Variants in MGMT observed in about 807,000 individuals in gnomAD.
MGMT encodes the protein methylated-DNA--protein-cysteine methyltransferase.
In MGMT, 14 loss-of-function variants were observed where a neutral mutation model predicts 15.9. The ratio of observed to expected loss-of-function variants is 0.88; its 90% CI spans 0.58 to 1.37. The LOEUF is 1.37. MGMT is among the 40% of genes most tolerant of loss of function. The pLI, the probability that MGMT is intolerant of heterozygous loss-of-function variation, is 0.00. For synonymous variants in MGMT, 130 were observed against 118.2 expected (o/e 1.10, Z -0.65); for missense variants, 282 against 268.1 (o/e 1.05, Z -0.36).
intron 2 of MGMT, among the ~76,000 whole-genome samples, chr10:129,669,181 C>G (rs1847693588): frequency 6.6e-6 from 1 of 151,992 alleles, no homozygotes. Context: ...TAAAAATCAA[C>G]TTATTTTGTT....
chr10:129,544,650 G>A (rs932785327), intron 2 of MGMT, among the ~76,000 whole-genome samples: 2 of 152,210 alleles, frequency 1.3e-5, no homozygotes, highest in African/African-American at 4.8e-5. Context: ...CTGTTGCAGA[G>A]AGTCTGGCCC....
At chr10:129,628,974 C>T (rs1400245501) in intron 2 of MGMT, among the ~76,000 whole-genome samples, 1 of 152,202 alleles carries the variant, frequency 6.6e-6, no homozygotes, top group Non-Finnish European at 1.5e-5. Flanking sequence ...CCACTCCCAG[C>T]GCCACTCCCG....
chr10:129,602,351 C>T (rs1027536294), intron 2 of MGMT, among the ~76,000 whole-genome samples: 4 of 152,002 alleles, frequency 2.6e-5, no homozygotes, highest in Admixed American at 1.3e-4. Context: ...CCTCTGGGTA[C>T]GTGAGCTTAA....
intron 1 of MGMT, among the ~76,000 whole-genome samples, chr10:129,522,837 C>T (rs1845828437): frequency 6.6e-6 from 1 of 152,198 alleles, no homozygotes; most frequent in Non-Finnish European, 1.5e-5. Context: ...GAGCCCCCGG[C>T]ACCTGCTCGG....
intron 2 of MGMT, among the ~76,000 whole-genome samples, chr10:129,650,980 A>C (rs1190993073): frequency 1.3e-5 from 2 of 152,084 alleles, no homozygotes; most frequent in Non-Finnish European, 2.9e-5. Context: ...GTCACATTCC[A>C]CTTGGGGACA....
chr10:129,750,511 T>C (rs1317199114), intron 3 of MGMT, among the ~76,000 whole-genome samples: 2 of 152,146 alleles, frequency 1.3e-5, no homozygotes, highest in Non-Finnish European at 2.9e-5. Context: ...AAAGAATGGT[T>C]GCATCTTTAC....
intron 2 of MGMT, among the ~76,000 whole-genome samples, chr10:129,576,302 C>A (rs1224088924): frequency 6.6e-6 from 1 of 152,108 alleles, no homozygotes; most frequent in East Asian, 1.9e-4. Context: ...TACTGGCAAA[C>A]CAAATCCAGC....
intron 2 of MGMT, among the ~76,000 whole-genome samples, chr10:129,661,728 A>G (rs554364766): frequency 3.0e-4 from 45 of 152,296 alleles, no homozygotes; most frequent in Non-Finnish European, 4.4e-4. Context: ...CTGACGATCA[A>G]TTTACTGGAG....
At chr10:129,740,843 C>T (rs7096238) in intron 3 of MGMT, among the ~76,000 whole-genome samples, 1 of 151,952 alleles carries the variant, frequency 6.6e-6, no homozygotes, top group African/African-American at 2.4e-5. Context: ...CACACTGAAC[C>T]GAGCCTGGTA....
intron 3 of MGMT, among the ~76,000 whole-genome samples, chr10:129,718,882 G>C (rs939119187): frequency 6.6e-6 from 1 of 152,084 alleles, no homozygotes; most frequent in African/African-American, 2.4e-5. Context: ...TTCTGCTCAG[G>C]CATGTCACCT....
At chr10:129,649,793 A>G (rs917250720) in intron 2 of MGMT, among the ~76,000 whole-genome samples, 10 of 152,234 alleles carry the variant, frequency 6.6e-5, no homozygotes, top group Admixed American at 1.3e-4. Context: ...CAAGATAGCA[A>G]AAGTTACCCA....
chr10:129,717,469 C>T (rs1280332249), intron 3 of MGMT: 1 of 152,112 alleles, frequency 6.6e-6, no homozygotes, highest in Non-Finnish European at 1.5e-5. Context: ...CAGGGAGAGT[C>T]TCTTGATTTG....
intron 2 of MGMT, among the ~76,000 whole-genome samples, chr10:129,602,678 C>T (rs1353011482): frequency 6.6e-6 from 1 of 152,112 alleles, no homozygotes; most frequent in Non-Finnish European, 1.5e-5. Flanking sequence ...GGTGAGTGCG[C>T]CCCACGTGCC....
chr10:129,706,011 C>A (rs1345774665), intron 2 of MGMT, among the ~76,000 whole-genome samples: 2 of 152,240 alleles, frequency 1.3e-5, no homozygotes, highest in African/African-American at 4.8e-5. Context: ...TTCCCTGCAC[C>A]ATTGCCATGT....
chr10:129,519,250 G>A (rs191642466), intron 1 of MGMT, among the ~76,000 whole-genome samples: 48 of 152,296 alleles, frequency 3.2e-4, no homozygotes, highest in African/African-American at 1.0e-3. Flanking sequence ...TTTTATTCTT[G>A]CATTTATTAG....
At chr10:129,514,710 G>A (rs61862577) in intron 1 of MGMT, among the ~76,000 whole-genome samples, 18 of 152,164 alleles carry the variant, frequency 1.2e-4, no homozygotes, top group Admixed American at 8.5e-4. Flanking sequence ...TAGAGCCCTC[G>A]ACGATTGAGG....
chr10:129,673,304 CATGTT>C (rs2133114177), intron 2 of MGMT, among the ~76,000 whole-genome samples: 1 of 152,236 alleles, frequency 6.6e-6, no homozygotes, highest in Non-Finnish European at 1.5e-5. Flanking sequence ...AAAAAAAAAT[CATGTT>C]ATAAGCAACA....
intron 4 of MGMT, among the ~76,000 whole-genome samples, chr10:129,760,309 A>T (rs984252018): frequency 6.6e-6 from 1 of 152,196 alleles, no homozygotes; most frequent in African/African-American, 2.4e-5. Flanking sequence ...GAACCCACAC[A>T]ACCTCAAGAA....
intron 2 of MGMT, among the ~76,000 whole-genome samples, chr10:129,591,910 G>A (rs150198763): frequency 1.1e-4 from 16 of 152,304 alleles, no homozygotes; most frequent in African/African-American, 3.8e-4. Context: ...CAGCCTGGGT[G>A]ACAGAGCGAG....
Sources: allele counts gnomAD v4.1 joint callset (sites outside exome capture counted in the v4.1 genomes callset), GRCh38; gene constraint gnomAD v4.1.1; transcripts MANE v1.5; gene names NCBI Gene and HGNC (gene_info 2026-07-23, HGNC 2026-07-21).